Variants in PCDH17 observed in about 807,000 individuals in gnomAD.
The protein encoded by PCDH17 is protocadherin 17, also known as protocadherin-17.
PCDH17 carries 21 observed loss-of-function variants against 67.7 expected under a neutral mutation model. The observed-to-expected ratio is 0.31, with a 90% CI of 0.22 to 0.45. The LOEUF (loss-of-function observed/expected upper bound fraction) is 0.45, where lower values mean the gene tolerates loss of function less well. PCDH17 is among the 20% of genes least tolerant of loss of function. The pLI is 1.00. For synonymous variants in PCDH17, 701 were observed against 656.7 expected, an observed-to-expected ratio of 1.07 and a Z score of -1.03; for missense variants, 1,471 against 1,564.8, an observed-to-expected ratio of 0.94 and a Z score of 1.01.
At position 57,632,948 on chromosome 13, in the gene PCDH17, G is replaced by A. The variant is rs373929628; in HGVS notation, c.402G>A (p.Ser134=). Residue 134 remains serine (S), a synonymous_variant, in exon 1 of 4, where the codon TCG becomes TCA. Transcript: ENST00000377918. ...ACGACAACGCGCCCTCCTTCTCCTCGGACCAGATCGAAATGGACATCTCGG... is the reference window on the plus strand; with the variant it reads ...ACGACAACGCGCCCTCCTTCTCCTCAGACCAGATCGAAATGGACATCTCGG... The part of the protein sequence containing the change: ...DINDNAPSFS[S]DQIEMDISEN... The A allele has an allele frequency of 6.2e-7, 1 of 1,613,844 alleles. No homozygotes were observed. The highest frequency in any genetic ancestry group is 1.7e-5 in the Admixed American group (1 of 60,010).
At chr13:57,667,266 T>C (rs1955266359) in intron 3 of PCDH17, among the ~76,000 whole-genome samples, 3 of 152,170 alleles carry the variant, frequency 2.0e-5, no homozygotes, top group Admixed American at 6.6e-5. Context: ...GTTGATTTAT[T>C]TTTTGTTTGG....
chr13:57,633,579 A>T lies in PCDH17; in HGVS notation c.1033A>T (p.Asn345Tyr), dbSNP rs762751081. The T allele has an allele frequency of 6.2e-7, 1 of 1,613,398 alleles. No homozygotes were observed. The highest frequency in any genetic ancestry group is 8.5e-7 in the Non-Finnish European group (1 of 1,180,028). ...CKVTVKLIDR[N>Y]DNAPSIGFVS... ...AGTCACGGTCAAGCTCATCGACCGC[A>T]ACGACAATGCGCCGTCCATCGGTTT... Residue 345 changes from asparagine to tyrosine, a missense_variant, in exon 1 of 4, where the codon AAC (asparagine) becomes TAC (tyrosine). This residue lies in a region of PCDH17 where 1,163 missense variants were observed against 1,230.0 expected (regional missense o/e 0.95). Transcript: ENST00000377918. The surrounding 1 kb of genome is among the most constrained non-coding windows in gnomAD (Gnocchi z 6.2).
At chr13:57,673,346 G>A (rs1471678034) in intron 3 of PCDH17, among the ~76,000 whole-genome samples, 1 of 151,930 alleles carries the variant, frequency 6.6e-6, no homozygotes, top group African/African-American at 2.4e-5. Flanking sequence ...CTCAAGACTT[G>A]ATGGGCTTTT....
intron 3 of PCDH17, among the ~76,000 whole-genome samples, chr13:57,704,667 G>A (rs1010544078): frequency 6.6e-6 from 1 of 151,588 alleles, no homozygotes; most frequent in Non-Finnish European, 1.5e-5. Context: ...AATTTGCTAT[G>A]CTACAATAAA....
At position 57,634,008 on chromosome 13, in the gene PCDH17, G is replaced by A. The variant is rs1290838145; in HGVS notation, c.1462G>A (p.Gly488Arg). ...TCAGGTGCACGAGAACAACATCCCGGGAGAGTACCTGGGCTCTGTGCTCGC... is the reference window on the plus strand; with the variant it reads ...TCAGGTGCACGAGAACAACATCCCGAGAGAGTACCTGGGCTCTGTGCTCGC... ...VLQVHENNIP[G>R]EYLGSVLAQD... Residue 488 changes from glycine to arginine, a missense_variant, in exon 1 of 4, where the codon GGA (glycine) becomes AGA (arginine). Around this residue, in one of 3 missense-constraint regions of PCDH17, gnomAD observed 1,163 missense variants for 1,230.0 expected, o/e 0.95. Coordinates refer to ENST00000377918, the MANE Select transcript of PCDH17 (RefSeq NM_001040429.3). The surrounding 1 kb of genome is among the most constrained non-coding windows in gnomAD (Gnocchi z 7.8). 2 of 1,613,406 alleles carry A rather than the reference G, an allele frequency of 1.2e-6. No homozygotes were observed. The highest frequency in any genetic ancestry group is 2.2e-5 in the East Asian group (1 of 44,848).
chr13:57,723,332 G>A (rs535425951), intron 3 of PCDH17, among the ~76,000 whole-genome samples: 4 of 152,070 alleles, frequency 2.6e-5, no homozygotes, highest in African/African-American at 9.6e-5. Context: ...CAGATTGTGG[G>A]CTTTTTAATG....
rs777604167 is a variant in PCDH17 at position 57,635,036 on chromosome 13, G to A, written c.2490G>A (p.Ala830=). 2 of 1,613,398 alleles carry A rather than the reference G, an allele frequency of 1.2e-6. No homozygotes were observed. Among genetic ancestry groups the A allele is most frequent in the Non-Finnish European group, 1.7e-6 (2 of 1,180,014 alleles). ...ACCTGACTGTCCCTCAGGGGCACGCGGGCTGCCACACCAGCTTCACCGGAC... is the reference window on the plus strand; with the variant it reads ...ACCTGACTGTCCCTCAGGGGCACGCAGGCTGCCACACCAGCTTCACCGGAC... ...SNNLTVPQGH[A]GCHTSFTGQG... is the part of the protein sequence containing the mutation. Residue 830 remains alanine (A), a synonymous_variant, in exon 1 of 4, where the codon GCG becomes GCA. Coordinates refer to ENST00000377918, the MANE Select transcript of PCDH17 (RefSeq NM_001040429.3).
chr13:57,637,992 G>A (rs185901534), intron 1 of PCDH17, among the ~76,000 whole-genome samples: 1 of 152,022 alleles, frequency 6.6e-6, no homozygotes, highest in East Asian at 1.9e-4. Flanking sequence ...GATTTCAGGT[G>A]TTTTTCAAGT....
At chr13:57,631,227 AC>A (rs1327417687), upstream of PCDH17, among the ~76,000 whole-genome samples, 2 of 152,074 alleles carry the variant, frequency 1.3e-5, no homozygotes, top group Non-Finnish European at 2.9e-5. Context: ...GATGAAGAGG[AC>A]TGGGAGGCAG....
At chr13:57,659,987 C>G in intron 1 of PCDH17, among the ~76,000 whole-genome samples, 1 of 152,052 alleles carries the variant, frequency 6.6e-6, no homozygotes, top group Non-Finnish European at 1.5e-5. Context: ...AATCTTAGCA[C>G]TTTGGGAGGC....
chr13:57,685,217 C>T (rs1276455797), intron 3 of PCDH17, among the ~76,000 whole-genome samples: 4 of 151,834 alleles, frequency 2.6e-5, no homozygotes, highest in Non-Finnish European at 5.9e-5. Context: ...AACTTGGTCT[C>T]TTAGTACTAT....
Position 57,634,929 on chromosome 13 carries a change from C to G in PCDH17, c.2383C>G (p.Pro795Ala). Residue 795 changes from proline (P) to alanine (A), a missense_variant, in exon 1 of 4, where the codon CCC becomes GCC. Physicochemically the swap from Pro to Ala is conservative, Grantham distance 27. Coordinates refer to ENST00000377918, the MANE Select transcript of PCDH17 (RefSeq NM_001040429.3). The surrounding 1 kb of genome is among the most constrained non-coding windows in gnomAD (Gnocchi z 7.8). ...VVSSPSLATS[P>A]MYFDYQTRLP... is the part of the protein sequence containing the mutation. Reference sequence around the variant, plus strand: ...GAGCAGCCCCTCCCTGGCCACCTCCCCCATGTACTTCGACTACCAGACCCG... The same window carrying G: ...GAGCAGCCCCTCCCTGGCCACCTCCGCCATGTACTTCGACTACCAGACCCG... 6.2e-7 allele frequency: 1 copy of G among 1,613,856 alleles called. No individual in the cohort carries two copies. The highest frequency in any genetic ancestry group is 8.5e-7 in the Non-Finnish European group (1 of 1,179,960).
At chr13:57,702,838 G>T (rs1955680053) in intron 3 of PCDH17, among the ~76,000 whole-genome samples, 1 of 152,090 alleles carries the variant, frequency 6.6e-6, no homozygotes, top group African/African-American at 2.4e-5. Flanking sequence ...CTGCGACAAT[G>T]AGTTCAAAAA....
intron 3 of PCDH17, among the ~76,000 whole-genome samples, chr13:57,680,710 C>G (rs910990270): frequency 1.3e-5 from 2 of 151,626 alleles, no homozygotes; most frequent in African/African-American, 4.8e-5. Context: ...TTAAAACTCT[C>G]TGAACTTTGT....
intron 3 of PCDH17, among the ~76,000 whole-genome samples, chr13:57,695,607 G>A (rs556408120): frequency 6.6e-6 from 1 of 151,158 alleles, no homozygotes; most frequent in East Asian, 1.9e-4. Flanking sequence ...TTAACATATA[G>A]TCTGGCATTT....
At chr13:57,722,949 T>C (rs1293510895) in intron 3 of PCDH17, among the ~76,000 whole-genome samples, 2 of 152,140 alleles carry the variant, frequency 1.3e-5, no homozygotes, top group South Asian at 4.1e-4. Context: ...AAATTTCAGT[T>C]CTAATTTAAA....
intron 3 of PCDH17, among the ~76,000 whole-genome samples, chr13:57,686,843 G>C (rs965941072): frequency 4.6e-5 from 7 of 151,956 alleles, no homozygotes; most frequent in Admixed American, 3.9e-4. Flanking sequence ...TAAATAATTC[G>C]AAAACTTCTT....
upstream of PCDH17, among the ~76,000 whole-genome samples, chr13:57,630,786 G>A (rs927568558): frequency 1.3e-4 from 20 of 152,228 alleles, no homozygotes; most frequent in Non-Finnish European, 2.6e-4. Flanking sequence ...GGAAGAAGCC[G>A]CAACTAATGT....
intron 3 of PCDH17, among the ~76,000 whole-genome samples, chr13:57,704,051 A>G (rs554385140): frequency 3.3e-5 from 5 of 152,190 alleles, no homozygotes; most frequent in African/African-American, 1.2e-4. Context: ...AAAAAATTTA[A>G]GATAAGATTT....
Sources: allele counts gnomAD v4.1 joint callset (sites outside exome capture counted in the v4.1 genomes callset), GRCh38; gene constraint gnomAD v4.1.1; regional missense constraint gnomAD v4.1.1; non-coding constraint Gnocchi (gnomAD v3.1); transcripts MANE v1.5; gene names NCBI Gene and HGNC (gene_info 2026-07-23, HGNC 2026-07-21).